The following ZNF385D variants were observed in gnomAD, a reference collection of about 807,000 sequenced individuals.
The protein encoded by ZNF385D is zinc finger protein 385D, also known as zinc finger protein 659.
Under a neutral mutation model 35.8 loss-of-function variants are expected in ZNF385D, and 15 were observed. That is an observed-to-expected ratio of 0.42 (90% CI 0.28 to 0.64). ZNF385D has a LOEUF of 0.64. Ranked by LOEUF, ZNF385D falls within the 30% of genes least tolerant of loss-of-function variation. ZNF385D has a pLI of 0.23. For missense variants in ZNF385D, 474 were observed against 494.6 expected (o/e 0.96, Z 0.39); for synonymous variants, 212 against 186.8 (o/e 1.13, Z -1.10).
At chr3:21,581,217 G>C (rs2063651574) in intron 2 of ZNF385D, among the ~76,000 whole-genome samples, 1 of 152,122 alleles carries the variant, frequency 6.6e-6, no homozygotes, top group African/African-American at 2.4e-5. Flanking sequence ...ACATAATCCA[G>C]TGTATTTTAT....
chr3:21,647,505 G>T (rs568627290), intron 2 of ZNF385D, among the ~76,000 whole-genome samples: 9 of 151,416 alleles, frequency 5.9e-5, no homozygotes, highest in African/African-American at 1.9e-4. Context: ...CAATTAACAC[G>T]ACTAACCCAT....
chr3:21,446,487 CTTTTTTTTT>C (rs71044918), intron 4 of ZNF385D, among the ~76,000 whole-genome samples: 7 of 91,854 alleles, frequency 7.6e-5, no homozygotes, highest in African/African-American at 9.5e-5. Flanking sequence ...AATCAATGAA[CTTTTTTTTT>C]TTTTTTTTTT....
intron 3 of ZNF385D, among the ~76,000 whole-genome samples, chr3:21,903,986 TC>T (rs1699544582): frequency 1.3e-5 from 2 of 152,116 alleles, no homozygotes; most frequent in African/African-American, 2.4e-5. Context: ...AAGGTTTGCA[TC>T]CCCATATGTG....
intron 3 of ZNF385D, among the ~76,000 whole-genome samples, chr3:22,139,367 A>T (rs971137561): frequency 6.6e-6 from 1 of 152,170 alleles, no homozygotes; most frequent in Admixed American, 6.5e-5. Flanking sequence ...AACCAACCCA[A>T]ATGTCCAACA....
At chr3:22,223,569 G>T (rs916486930) in intron 2 of ZNF385D, among the ~76,000 whole-genome samples, 3 of 151,754 alleles carry the variant, frequency 2.0e-5, no homozygotes, top group Non-Finnish European at 4.4e-5. Flanking sequence ...TATGTGGCAG[G>T]GTTCCTATTA....
At chr3:21,566,823 T>C (rs1435703729) in intron 2 of ZNF385D, among the ~76,000 whole-genome samples, 2 of 152,182 alleles carry the variant, frequency 1.3e-5, no homozygotes, top group Non-Finnish European at 2.9e-5. Context: ...ACAAGTTCCC[T>C]CTTACCCCTC....
chr3:21,825,449 A>AAT (rs1694542264), intron 3 of ZNF385D, among the ~76,000 whole-genome samples: 1 of 152,136 alleles, frequency 6.6e-6, no homozygotes, highest in African/African-American at 2.4e-5. Flanking sequence ...ATAAAACTAA[A>AAT]ATTGGCTTAA....
chr3:21,482,710 T>G (rs1299841427), intron 4 of ZNF385D, among the ~76,000 whole-genome samples: 1 of 152,178 alleles, frequency 6.6e-6, no homozygotes, highest in Non-Finnish European at 1.5e-5. Flanking sequence ...AATGTAAGGC[T>G]TTGAATAAAC....
chr3:21,956,883 C>T (rs750820475), intron 3 of ZNF385D, among the ~76,000 whole-genome samples: 2 of 151,664 alleles, frequency 1.3e-5, no homozygotes, highest in Non-Finnish European at 2.9e-5. Flanking sequence ...CCAATTTAAC[C>T]TTACCTTCAA....
At chr3:21,897,150 T>C (rs888372608) in intron 3 of ZNF385D, among the ~76,000 whole-genome samples, 1 of 152,150 alleles carries the variant, frequency 6.6e-6, no homozygotes, top group African/African-American at 2.4e-5. Context: ...TCGACTCTGC[T>C]AGTTTGGAGG....
At chr3:21,538,704 G>A (rs1221434304) in intron 3 of ZNF385D, among the ~76,000 whole-genome samples, 1 of 152,046 alleles carries the variant, frequency 6.6e-6, no homozygotes, top group East Asian at 1.9e-4. Context: ...AGAATTATAC[G>A]GTGTGAACTG....
At chr3:21,442,630 G>A (rs1383133459) in intron 4 of ZNF385D, among the ~76,000 whole-genome samples, 1 of 150,720 alleles carries the variant, frequency 6.6e-6, no homozygotes, top group African/African-American at 2.4e-5. Context: ...AATGGCCTTG[G>A]CACTGGGCTG....
intron 3 of ZNF385D, among the ~76,000 whole-genome samples, chr3:21,998,488 A>T (rs1381929371): frequency 6.6e-6 from 1 of 152,234 alleles, no homozygotes. Context: ...TGTAGACATC[A>T]GCCACAGGGC....
At chr3:21,518,999 G>C (rs1707751335) in intron 3 of ZNF385D, among the ~76,000 whole-genome samples, 1 of 152,058 alleles carries the variant, frequency 6.6e-6, no homozygotes, top group South Asian at 2.1e-4. Context: ...TTCCCGAAGT[G>C]AAAAACATGA....
At chr3:21,802,243 A>T (rs1040493719) in intron 3 of ZNF385D, among the ~76,000 whole-genome samples, 2 of 152,198 alleles carry the variant, frequency 1.3e-5, no homozygotes, top group Non-Finnish European at 2.9e-5. Context: ...GTATATATTT[A>T]AATGCTGTTT....
At position 21,936,121 on chromosome 3, in the gene ZNF385D, G is replaced by A. The variant is rs181568271; in HGVS notation, c.325+232696C>T. Among the ~76,000 whole-genome samples, 9 of 152,048 alleles carry A rather than the reference G, an allele frequency of 5.9e-5. No homozygotes were observed. In the East Asian group the frequency reaches 1.7e-3, roughly 29 times the overall value. On this transcript the variant is annotated intron_variant, in intron 3 of 5. Coordinates refer to the ZNF385D transcript ENST00000494108. ...AACTGGGATGAGGAGGTGAGAGAGG[G>A]AGGAGAAGATAAGAAGATAGATCTA...
chr3:21,594,206 G>C (rs888668311), intron 2 of ZNF385D, among the ~76,000 whole-genome samples: 2 of 152,136 alleles, frequency 1.3e-5, no homozygotes, highest in African/African-American at 4.8e-5. Flanking sequence ...CTTTACACCA[G>C]ACCTGCCAAG....
intron 3 of ZNF385D, among the ~76,000 whole-genome samples, chr3:21,557,329 G>T (rs1483026695): frequency 6.6e-6 from 1 of 152,006 alleles, no homozygotes; most frequent in East Asian, 1.9e-4. Context: ...TTATTTCAAG[G>T]TAGGTTCCGT....
At chr3:21,658,542 T>C (rs939314801) in intron 2 of ZNF385D, among the ~76,000 whole-genome samples, 1 of 151,968 alleles carries the variant, frequency 6.6e-6, no homozygotes, top group Non-Finnish European at 1.5e-5. Context: ...ATCTGTTATG[T>C]GTTTTTCCTG....
Sources: allele counts gnomAD v4.1 joint callset (sites outside exome capture counted in the v4.1 genomes callset), GRCh38; gene constraint gnomAD v4.1.1; transcripts MANE v1.5; gene names NCBI Gene and HGNC (gene_info 2026-07-23, HGNC 2026-07-21).